The following ANO10 variants were observed in gnomAD, a reference collection of about 807,000 sequenced individuals.
The protein encoded by ANO10 is anoctamin-10.
A neutral mutation model predicts 74.7 loss-of-function variants in ANO10; 77 were observed. The observed-to-expected ratio is 1.03, with a 90% confidence interval of 0.86 to 1.25. The LOEUF is 1.25. Among genes scored for constraint, ANO10 ranks in the 50% most tolerant of loss-of-function variants. The pLI, the probability that ANO10 is intolerant of heterozygous loss-of-function variation, is 0.00. For missense variants in ANO10, 721 were observed against 778.1 expected (o/e 0.93, Z 0.87); for synonymous variants, 279 against 284.9 (o/e 0.98, Z 0.21).
chr3:43,553,772 T>C (rs1430277692), intron 10 of ANO10, among the ~76,000 whole-genome samples: 2 of 151,980 alleles, frequency 1.3e-5, no homozygotes, highest in Non-Finnish European at 2.9e-5. Context: ...TCTGACCTCA[T>C]GATCTGCCTG....
chr3:43,479,568 G>A (rs1174273550), intron 11 of ANO10, among the ~76,000 whole-genome samples: 2 of 152,134 alleles, frequency 1.3e-5, no homozygotes, highest in Non-Finnish European at 2.9e-5. Context: ...GAGGGAAAAA[G>A]GAAAGTTGAA....
At chr3:43,675,803 T>C (rs1235767630) in intron 1 of ANO10, among the ~76,000 whole-genome samples, 3 of 152,198 alleles carry the variant, frequency 2.0e-5, no homozygotes, top group Admixed American at 2.0e-4. Flanking sequence ...AGAAACTAGG[T>C]TGATCACACT....
intron 4 of ANO10, among the ~76,000 whole-genome samples, chr3:43,592,749 T>C (rs2081855978): frequency 6.6e-6 from 1 of 152,182 alleles, no homozygotes; most frequent in African/African-American, 2.4e-5. Context: ...GCACAGAGAA[T>C]GACTTTGACG....
chr3:43,597,443 T>A (rs559931240), intron 4 of ANO10, among the ~76,000 whole-genome samples: 1 of 152,124 alleles, frequency 6.6e-6, no homozygotes, highest in African/African-American at 2.4e-5. Context: ...TAAAAAATGA[T>A]GAGTTCATGT....
At chr3:43,524,494 A>G (rs1459481448) in intron 11 of ANO10, among the ~76,000 whole-genome samples, 1 of 152,154 alleles carries the variant, frequency 6.6e-6, no homozygotes, top group Non-Finnish European at 1.5e-5. Context: ...AGAGACCAGG[A>G]AGGTTTCCTC....
At chr3:43,455,881 G>A (rs879798460) in intron 11 of ANO10, among the ~76,000 whole-genome samples, 5 of 151,970 alleles carry the variant, frequency 3.3e-5, no homozygotes, top group African/African-American at 1.2e-4. Flanking sequence ...ACATGACGCA[G>A]TATTTACTTG....
intron 1 of ANO10, among the ~76,000 whole-genome samples, chr3:43,619,868 C>CAAA (rs746826623): frequency 2.5e-5 from 2 of 79,924 alleles, no homozygotes; most frequent in East Asian, 3.8e-4. Flanking sequence ...AGACCTTGTC[C>CAAA]AAAAAAAAAA....
At chr3:43,601,836 G>A (rs2082347461) in intron 2 of ANO10, among the ~76,000 whole-genome samples, 1 of 152,152 alleles carries the variant, frequency 6.6e-6, no homozygotes, top group African/African-American at 2.4e-5. Context: ...ATAGGTTGGT[G>A]AGCGTGGTAG....
chr3:43,612,758 A>G (rs1247114513), intron 1 of ANO10, among the ~76,000 whole-genome samples: 1 of 152,220 alleles, frequency 6.6e-6, no homozygotes, highest in Non-Finnish European at 1.5e-5. Context: ...TCTTGCAGCA[A>G]TCTGATTAAA....
intron 4 of ANO10, among the ~76,000 whole-genome samples, chr3:43,589,336 C>T (rs1385825596): frequency 6.6e-6 from 1 of 151,322 alleles, no homozygotes; most frequent in Non-Finnish European, 1.5e-5. Flanking sequence ...ATAAAAATTA[C>T]CTAGTCAAAT....
intron 12 of ANO10, among the ~76,000 whole-genome samples, chr3:43,432,314 G>A (rs1237590187): frequency 2.0e-5 from 3 of 152,056 alleles, no homozygotes; most frequent in African/African-American, 7.2e-5. Flanking sequence ...GAAGCTGTGG[G>A]GAGCTGCCCC....
At chr3:43,504,603 C>T (rs2149161038) in intron 11 of ANO10, among the ~76,000 whole-genome samples, 1 of 152,036 alleles carries the variant, frequency 6.6e-6, no homozygotes, top group South Asian at 2.1e-4. Context: ...GAGGAAAAAG[C>T]CTTTTCAACA....
chr3:43,402,138 GCACAAA>G (rs1258873791), intron 12 of ANO10, among the ~76,000 whole-genome samples: 3 of 152,076 alleles, frequency 2.0e-5, no homozygotes, highest in African/African-American at 7.2e-5. Flanking sequence ...CAAACCAAAT[GCACAAA>G]CACAAACAAA....
At chr3:43,574,939 T>C (rs1408495894) in intron 6 of ANO10, 75 bp from the exon 7 acceptor site, 2 of 1,260,900 alleles carry the variant, frequency 1.6e-6, no homozygotes, top group Non-Finnish European at 2.3e-6. Flanking sequence ...GTAAAGTGAG[T>C]TGCATTGAGG....
At chr3:43,541,941 T>G (rs71323194) in intron 11 of ANO10, among the ~76,000 whole-genome samples, 3 of 152,200 alleles carry the variant, frequency 2.0e-5, no homozygotes, top group African/African-American at 7.2e-5. Flanking sequence ...ACTAACGCAT[T>G]TCTTCTGTAA....
chr3:43,419,440 C>CT (rs1217659146), intron 12 of ANO10, among the ~76,000 whole-genome samples: 1 of 152,042 alleles, frequency 6.6e-6, no homozygotes, highest in Non-Finnish European at 1.5e-5. Flanking sequence ...TTTTTCAACT[C>CT]TAACATTGGA....
chr3:43,474,393 G>A (rs2075987853), intron 11 of ANO10, among the ~76,000 whole-genome samples: 1 of 152,102 alleles, frequency 6.6e-6, no homozygotes, highest in South Asian at 2.1e-4. Flanking sequence ...CCCAGAAAAT[G>A]AGAGTTTTTC....
intron 11 of ANO10, among the ~76,000 whole-genome samples, chr3:43,498,923 G>C (rs1410310108): frequency 6.6e-6 from 1 of 152,204 alleles, no homozygotes; most frequent in Non-Finnish European, 1.5e-5. Context: ...ATTGTCAAAT[G>C]GTTCTGCAAT....
At chr3:43,510,805 C>G (rs1013363708) in intron 11 of ANO10, among the ~76,000 whole-genome samples, 18 of 152,082 alleles carry the variant, frequency 1.2e-4, no homozygotes, top group African/African-American at 4.3e-4. Flanking sequence ...TTAATTAAAC[C>G]CATCAAATTT....
Sources: gnomAD v4.1 joint callset for allele counts (sites outside exome capture counted in the v4.1 genomes callset) on GRCh38, gnomAD v4.1.1 for gene constraint, MANE v1.5 for transcripts, NCBI Gene and HGNC (gene_info 2026-07-23, HGNC 2026-07-21) for gene names.